The following TESMIN variants were observed in gnomAD, a reference collection of about 807,000 sequenced individuals.
The protein encoded by TESMIN is testis expressed metallothionein like protein, also known as CXC domain containing 2.
TESMIN carries 34 observed loss-of-function variants against 47.4 expected under a neutral mutation model. That is an observed-to-expected ratio of 0.72 (90% CI 0.55 to 0.96). TESMIN has a LOEUF of 0.96. Ranked by LOEUF, TESMIN falls within the 40% of genes least tolerant of loss-of-function variation. The probability of loss-of-function intolerance (pLI) is 0.00; values close to 1 mark genes in which losing one functional copy is unlikely to be tolerated. For missense variants in TESMIN, 610 were observed against 637.2 expected (o/e 0.96, Z 0.46); for synonymous variants, 278 against 258.9 (o/e 1.07, Z -0.71).
intron 6 of TESMIN, among the ~76,000 whole-genome samples, chr11:68,722,793 C>T (rs568858080): frequency 2.1e-4 from 32 of 152,142 alleles, no homozygotes; most frequent in Non-Finnish European, 4.3e-4. Context: ...AGAAAAACAA[C>T]TGAAGGCAAA....
intron 6 of TESMIN, among the ~76,000 whole-genome samples, chr11:68,723,393 G>T (rs940575102): frequency 1.3e-5 from 2 of 149,928 alleles, no homozygotes; most frequent in Non-Finnish European, 3.0e-5. Flanking sequence ...TGAAAGTACT[G>T]CATATCAACT....
intron 2 of TESMIN, among the ~76,000 whole-genome samples, chr11:68,749,758 G>GAA (rs141911007): frequency 7.4e-5 from 11 of 148,750 alleles, no homozygotes; most frequent in African/African-American, 2.7e-4. Flanking sequence ...AAAGTTAAAG[G>GAA]AAAAAAAAAA....
chr11:68,745,022 C>T lies in TESMIN; in HGVS notation c.720G>A (p.Gln240=). The T allele has an allele frequency of 2.5e-6, 4 of 1,584,564 alleles. No homozygotes were observed. In the South Asian group the frequency reaches 4.7e-5, roughly 19 times the overall value. ...RELKALHLVP[Q]YQDQNNYLQS... ...GTAGATAATTATTTTGATCTTGATACTGAGGAACCAAATGGAGTGCTTTTA... is the reference window on the plus strand; with the variant it reads ...GTAGATAATTATTTTGATCTTGATATTGAGGAACCAAATGGAGTGCTTTTA... The change falls in exon 4 of 10, where the codon CAG becomes CAA. Residue 240 remains glutamine, a synonymous_variant. Transcript: ENST00000255087.
At chr11:68,751,265 T>A (rs1272034013) in intron 1 of TESMIN, among the ~76,000 whole-genome samples, 155 bp downstream of exon 1, 1 of 133,326 alleles carries the variant, frequency 7.5e-6, no homozygotes, top group African/African-American at 2.9e-5. Flanking sequence ...GGGGGCCAGG[T>A]GAGGTGCGAC....
chr11:68,747,444 A>T, intron 2 of TESMIN, 78 bp from the exon 3 acceptor site: 3 of 1,275,630 alleles, frequency 2.4e-6, no homozygotes, highest in Non-Finnish European at 3.4e-6. Context: ...AGAAAATTGA[A>T]ATCTCAGTGA....
intron 6 of TESMIN, chr11:68,736,588 A>G (rs1481419599): frequency 2.2e-5 from 22 of 985,292 alleles, no homozygotes; most frequent in Non-Finnish European, 2.7e-5. Flanking sequence ...AGGCCCAATT[A>G]AGTGGAGAGG....
chr11:68,736,349 G>A (rs1946386992), intron 6 of TESMIN: 1 of 985,436 alleles, frequency 1.0e-6, no homozygotes, highest in Non-Finnish European at 1.2e-6. Context: ...TGACCATCGG[G>A]TCAGCTCGCA....
chr11:68,729,040 T>C (rs1423353246), intron 6 of TESMIN, among the ~76,000 whole-genome samples: 1 of 152,252 alleles, frequency 6.6e-6, no homozygotes, highest in Non-Finnish European at 1.5e-5. Context: ...GGTGTCATTT[T>C]GACTTTCAAG....
downstream of TESMIN, among the ~76,000 whole-genome samples, chr11:68,705,625 G>GT (rs202241789): frequency 8.0e-4 from 122 of 151,718 alleles, no homozygotes; most frequent in African/African-American, 4.1e-4. Context: ...AAAAAACAAG[G>GT]TTTTTTTTTC....
chr11:68,734,579 G>A (rs991569871), intron 6 of TESMIN, among the ~76,000 whole-genome samples: 1 of 152,202 alleles, frequency 6.6e-6, no homozygotes, highest in African/African-American at 2.4e-5. Flanking sequence ...CTGTCCCTGT[G>A]CCCAGTGGGG....
At chr11:68,746,483 G>A (rs771138845) in intron 3 of TESMIN, among the ~76,000 whole-genome samples, 82 of 152,122 alleles carry the variant, frequency 5.4e-4, no homozygotes, top group Non-Finnish European at 8.5e-4. Context: ...GCTTGTTAAC[G>A]TCTATGCCTT....
rs1946533523 is a variant in TESMIN, at chr11:68,747,271, G to A, written c.567C>T (p.Phe189=). Residue 189 remains phenylalanine, a synonymous_variant, in exon 3 of 10, where the codon TTC becomes TTT. Transcript: ENST00000255087. ...CATCCTCTAGTTCCTGGGACGATGG[G>A]AACTTGCAACAGGATTCCTGAGCAA... The part of the protein sequence containing the change: ...NLLAQESCCK[F]PSSQELEDAS... 1 of 1,614,020 alleles carries A rather than the reference G, an allele frequency of 6.2e-7. No homozygotes were observed. The highest frequency in any genetic ancestry group is 1.3e-5 in the African/African-American group (1 of 74,916).
chr11:68,709,389 G>T (rs531328682), intron 9 of TESMIN, among the ~76,000 whole-genome samples: 6 of 152,196 alleles, frequency 3.9e-5, no homozygotes, highest in African/African-American at 1.2e-4. Context: ...GAAGGCCAAG[G>T]TTCTGAGGAC....
At chr11:68,731,558 T>A (rs4433574) in intron 6 of TESMIN, among the ~76,000 whole-genome samples, 104,768 of 152,208 alleles carry the variant, frequency 0.69, 36,886 homozygotes, top group East Asian at 0.86. Context: ...TAACTCACGC[T>A]AAGAAAATTA....
intron 2 of TESMIN, 152 bp from the exon 3 acceptor site, chr11:68,747,518 A>T: frequency 1.4e-6 from 1 of 719,370 alleles, no homozygotes; most frequent in Non-Finnish European, 2.3e-6. Context: ...CAGCTACCGG[A>T]GAGGTTGAGG....
At chr11:68,718,519 T>C (rs1326878667) in intron 6 of TESMIN, among the ~76,000 whole-genome samples, 1 of 152,106 alleles carries the variant, frequency 6.6e-6, no homozygotes, top group Non-Finnish European at 1.5e-5. Flanking sequence ...ATCCAACATT[T>C]ATATAGTAAG....
intron 4 of TESMIN, 26 bp downstream of exon 4, chr11:68,744,965 G>C (rs1194982766): frequency 6.7e-7 from 1 of 1,500,396 alleles, no homozygotes; most frequent in Non-Finnish European, 8.9e-7. Context: ...ATATGACATA[G>C]TTTTTTTTAT....
At chr11:68,718,698 G>C (rs1432006162) in intron 6 of TESMIN, among the ~76,000 whole-genome samples, 2 of 152,154 alleles carry the variant, frequency 1.3e-5, no homozygotes, top group Admixed American at 1.3e-4. Flanking sequence ...CTGCAGCACT[G>C]GGAATAAGAG....
intron 8 of TESMIN, 56 bp from the exon 9 acceptor site, chr11:68,711,105 T>G (rs1319725513): frequency 1.4e-6 from 2 of 1,402,756 alleles, no homozygotes; most frequent in Non-Finnish European, 2.0e-6. Flanking sequence ...CATCAAAAAC[T>G]GACAAATTCT....
Sources: gnomAD v4.1 joint callset for allele counts (sites outside exome capture counted in the v4.1 genomes callset) on GRCh38, gnomAD v4.1.1 for gene constraint, MANE v1.5 for transcripts, NCBI Gene and HGNC (gene_info 2026-07-23, HGNC 2026-07-21) for gene names.